The following RBMS3 variants were observed in gnomAD, a reference collection of about 807,000 sequenced individuals.
The protein encoded by RBMS3 is RNA-binding motif, single-stranded-interacting protein 3.
A neutral mutation model predicts 66.8 loss-of-function variants in RBMS3; 27 were observed. The ratio of observed to expected loss-of-function variants is 0.40; its 90% CI spans 0.30 to 0.56. RBMS3 has a LOEUF of 0.56. RBMS3 is among the 20% of genes least tolerant of loss of function. RBMS3 has a pLI of 0.40. For synonymous variants in RBMS3, 188 were observed against 183.0 expected, an observed-to-expected ratio of 1.03 and a Z score of -0.22; for missense variants, 513 against 549.5, an observed-to-expected ratio of 0.93 and a Z score of 0.66.
At chr3:29,282,303 CTATTT>C (rs568976483) in intron 1 of RBMS3, among the ~76,000 whole-genome samples, 188 of 152,148 alleles carry the variant, frequency 1.2e-3, no homozygotes, top group Non-Finnish European at 2.3e-3. Flanking sequence ...TTTGCCTTGC[CTATTT>C]TATTTTATGT....
chr3:29,369,684 G>A (rs1171507959), intron 1 of RBMS3, among the ~76,000 whole-genome samples: 2 of 131,488 alleles, frequency 1.5e-5, no homozygotes, highest in South Asian at 5.2e-4. Flanking sequence ...AAATGATTCA[G>A]AGTCTAGAGC....
intron 1 of RBMS3, among the ~76,000 whole-genome samples, chr3:29,356,884 A>T (rs1299548796): frequency 2.0e-5 from 3 of 152,166 alleles, no homozygotes; most frequent in Non-Finnish European, 4.4e-5. Flanking sequence ...TAATGCATTC[A>T]GAAATGTTGA....
intron 10 of RBMS3, among the ~76,000 whole-genome samples, chr3:29,903,862 C>G (rs1224431363): frequency 1.3e-5 from 2 of 151,798 alleles, no homozygotes; most frequent in Non-Finnish European, 2.9e-5. Context: ...AAAAAAGTTG[C>G]AAGCAAATAA....
At chr3:29,412,478 T>C (rs1375188957) in intron 1 of RBMS3, among the ~76,000 whole-genome samples, 3 of 152,176 alleles carry the variant, frequency 2.0e-5, no homozygotes, top group Non-Finnish European at 4.4e-5. Context: ...TTTTCATAGA[T>C]ACATAAGGCA....
chr3:29,858,504 C>T (rs145720316), intron 6 of RBMS3, among the ~76,000 whole-genome samples: 2 of 152,250 alleles, frequency 1.3e-5, no homozygotes, highest in East Asian at 3.9e-4. Context: ...TGCCTTTTAG[C>T]CACACAAGTT....
In RBMS3 at chr3:29,570,033, G is replaced by A. The variant is rs1233418855; in HGVS notation, c.308-17081G>A. Among the ~76,000 whole-genome samples the A allele has an allele frequency of 3.9e-5, 6 of 152,118 alleles. 1 individual carries two copies. ...GTATGTATAATCTGATATCATTTTG[G>A]CTAAAATAAGGAAAACAATTTTATT... On this transcript the variant is annotated intron_variant, in intron 3 of 14. Transcript: ENST00000383767.
intron 1 of RBMS3, among the ~76,000 whole-genome samples, chr3:29,406,648 A>G (rs1022013733): frequency 2.0e-5 from 3 of 152,202 alleles, no homozygotes; most frequent in South Asian, 2.1e-4. Context: ...ACTGGGCTTG[A>G]TGTTGAAACT....
At chr3:29,792,880 T>C (rs2149429834) in intron 6 of RBMS3, among the ~76,000 whole-genome samples, 1 of 152,270 alleles carries the variant, frequency 6.6e-6, no homozygotes, top group South Asian at 2.1e-4. Flanking sequence ...AACATTAAAC[T>C]TTTGGTAGAG....
chr3:29,968,224 G>A (rs1696981005), intron 12 of RBMS3, among the ~76,000 whole-genome samples: 1 of 152,148 alleles, frequency 6.6e-6, no homozygotes, highest in African/African-American at 2.4e-5. Flanking sequence ...TCTGTTTCCA[G>A]GTGGAGGGCG....
chr3:29,915,171 C>T (rs1420580581), intron 10 of RBMS3, among the ~76,000 whole-genome samples: 1 of 151,094 alleles, frequency 6.6e-6, no homozygotes, highest in African/African-American at 2.4e-5. Context: ...AAAAAAAATC[C>T]ATTTCTTTTA....
At chr3:29,621,751 A>G (rs1190358018) in intron 4 of RBMS3, among the ~76,000 whole-genome samples, 1 of 152,160 alleles carries the variant, frequency 6.6e-6, no homozygotes, top group Non-Finnish European at 1.5e-5. Context: ...TGTATGCACA[A>G]TGCCATTTAA....
At chr3:29,759,700 A>G (rs2055577902) in intron 5 of RBMS3, among the ~76,000 whole-genome samples, 1 of 129,550 alleles carries the variant, frequency 7.7e-6, no homozygotes, top group Admixed American at 8.0e-5. Flanking sequence ...CTATTCAAAT[A>G]TAGTCTCTTT....
At chr3:29,628,113 A>C (rs2049139038) in intron 4 of RBMS3, among the ~76,000 whole-genome samples, 1 of 152,200 alleles carries the variant, frequency 6.6e-6, no homozygotes, top group Non-Finnish European at 1.5e-5. Context: ...CCCTTGTTTT[A>C]GAAGAATGTG....
At chr3:29,899,424 G>A (rs955629362) in intron 9 of RBMS3, among the ~76,000 whole-genome samples, 8 of 151,654 alleles carry the variant, frequency 5.3e-5, no homozygotes, top group African/African-American at 1.7e-4. Context: ...AAACTTTAGC[G>A]TTCAACATCA....
At chr3:29,742,243 G>A (rs932959299) in intron 5 of RBMS3, among the ~76,000 whole-genome samples, 1 of 152,158 alleles carries the variant, frequency 6.6e-6, no homozygotes, top group African/African-American at 2.4e-5. Context: ...AACTGAGGGA[G>A]GGTGGGAATT....
chr3:29,741,897 C>T (rs9847075), intron 5 of RBMS3, among the ~76,000 whole-genome samples: 3,995 of 152,140 alleles, frequency 0.026, 163 homozygotes, highest in African/African-American at 0.091. Flanking sequence ...CTTAAGAGCA[C>T]CAAGTCATAT....
chr3:29,367,167 G>GA (rs2037957045), intron 1 of RBMS3, among the ~76,000 whole-genome samples: 2 of 152,050 alleles, frequency 1.3e-5, no homozygotes, highest in East Asian at 1.9e-4. Context: ...TCCATTTTAT[G>GA]AAAAAACTGG....
At chr3:29,491,653 G>A (rs1309030339) in intron 3 of RBMS3, among the ~76,000 whole-genome samples, 1 of 152,178 alleles carries the variant, frequency 6.6e-6, no homozygotes, top group Non-Finnish European at 1.5e-5. Flanking sequence ...ACGGGGCTGT[G>A]GAACAGCCTA....
intron 1 of RBMS3, among the ~76,000 whole-genome samples, chr3:29,404,054 C>T (rs2039916895): frequency 6.6e-6 from 1 of 152,092 alleles, no homozygotes; most frequent in African/African-American, 2.4e-5. Context: ...CCCAAAAGGG[C>T]TGATGTCCAG....
Sources: gnomAD v4.1 joint callset for allele counts (sites outside exome capture counted in the v4.1 genomes callset) on GRCh38, gnomAD v4.1.1 for gene constraint, MANE v1.5 for transcripts, NCBI Gene and HGNC (gene_info 2026-07-23, HGNC 2026-07-21) for gene names.